Variants in NOP58 observed in about 807,000 individuals in gnomAD.
NOP58 encodes the protein nucleolar protein 58.
A neutral mutation model predicts 71.2 loss-of-function variants in NOP58; 44 were observed. The observed-to-expected ratio is 0.62, with a 90% CI of 0.49 to 0.79. The LOEUF (loss-of-function observed/expected upper bound fraction) is 0.79. Ranked by LOEUF, NOP58 falls within the 30% of genes least tolerant of loss-of-function variation. The pLI is 0.00. For missense variants in NOP58, 538 were observed against 620.2 expected, an observed-to-expected ratio of 0.87 and a Z score of 1.41; for synonymous variants, 228 against 200.3, an observed-to-expected ratio of 1.14 and a Z score of -1.17.
chr2:202,273,774 C>G (rs1688545557), intron 1 of NOP58, among the ~76,000 whole-genome samples: 2 of 152,098 alleles, frequency 1.3e-5, no homozygotes, highest in African/African-American at 4.8e-5. Flanking sequence ...GAAACCCAGT[C>G]TCTACTAAAA....
intron 6 of NOP58, among the ~76,000 whole-genome samples, 187 bp from the exon 7 acceptor site, chr2:202,290,136 A>G (rs1373593516): frequency 6.6e-6 from 1 of 151,888 alleles, no homozygotes; most frequent in Non-Finnish European, 1.5e-5. Context: ...TTGTATTTTT[A>G]ATAGAGATGG....
At chr2:202,285,871 G>A (rs1688776864) in intron 5 of NOP58, among the ~76,000 whole-genome samples, 1 of 151,968 alleles carries the variant, frequency 6.6e-6, no homozygotes, top group Non-Finnish European at 1.5e-5. Flanking sequence ...TATTACCACA[G>A]TTCAAAAGAC....
chr2:202,279,816 G>A lies in NOP58; in HGVS notation c.175+1814G>A, dbSNP rs572818844. The stretch of plus-strand genomic sequence containing the variant: ...CTGGAAAATAACATAAAATTAAGTA[G>A]TGTACAGTAAATGGACAAAATGCCA... On this transcript the variant is annotated intron_variant, in intron 3 of 14. Coordinates refer to ENST00000264279, the MANE Select transcript of NOP58 (RefSeq NM_015934.5). Among the ~76,000 whole-genome samples, 4 of 152,242 alleles carry A rather than the reference G, an allele frequency of 2.6e-5. No individual in the cohort carries two copies. The East Asian group carries it at 5.8e-4, about 22-fold the overall frequency.
chr2:202,288,844 C>T (rs1688835783), intron 6 of NOP58, among the ~76,000 whole-genome samples: 1 of 151,256 alleles, frequency 6.6e-6, no homozygotes, highest in Non-Finnish European at 1.5e-5. Context: ...TTCGGCTGGG[C>T]GCAGTGGCTC....
At chr2:202,299,975 A>G (rs567966399) in intron 12 of NOP58, 121 of 328,412 alleles carry the variant, frequency 3.7e-4, no homozygotes, top group African/African-American at 2.5e-3. Flanking sequence ...TTCCTGTACC[A>G]TAGTAACTAC....
chr2:202,271,781 A>G (rs1202649160), intron 1 of NOP58, among the ~76,000 whole-genome samples: 2 of 152,054 alleles, frequency 1.3e-5, no homozygotes, highest in Non-Finnish European at 2.9e-5. Flanking sequence ...TGTCTCTACA[A>G]AAAGATTTTT....
chr2:202,282,937 G>A lies in NOP58; in HGVS notation c.297+465G>A, dbSNP rs565473329. On this transcript the variant is annotated intron_variant, in intron 4 of 14. Coordinates refer to ENST00000264279, the MANE Select transcript of NOP58 (RefSeq NM_015934.5). ...GAAAGCAGAACAATTCGGGCGGGGC[G>A]CGGTGGCTCACACCTATAATAATCC... 4.6e-5 allele frequency among the ~76,000 whole-genome samples: 7 copies of A among 152,240 alleles called. No homozygotes were observed. The South Asian group carries it at 6.2e-4, about 14-fold the overall frequency.
chr2:202,302,842 C>A, intron 13 of NOP58, 79 bp from the exon 14 acceptor site: 9 of 1,495,298 alleles, frequency 6.0e-6, no homozygotes, highest in South Asian at 2.8e-5. Context: ...CAGAAAAAAA[C>A]TAGGACTCAA....
intron 9 of NOP58, among the ~76,000 whole-genome samples, chr2:202,295,133 G>C (rs1056358180): frequency 2.6e-5 from 4 of 152,108 alleles, no homozygotes; most frequent in African/African-American, 9.7e-5. Flanking sequence ...TAAAACTTAG[G>C]AACTATTTAT....
At chr2:202,303,165 T>C (rs918240905) in intron 14 of NOP58, 108 bp downstream of exon 14, 2 of 1,379,458 alleles carry the variant, frequency 1.4e-6, no homozygotes, top group Non-Finnish European at 2.0e-6. Context: ...ATGGTTTTCA[T>C]TGATGGAGAG....
rs776719942 is a variant in NOP58, at chr2:202,292,759, C to T, written c.781-18C>T. On this transcript the variant is annotated intron_variant, in intron 8 of 14. Coordinates refer to ENST00000264279, the MANE Select transcript of NOP58 (RefSeq NM_015934.5). ...TACTCATATGATATTTGTGACTTAA[C>T]TTTATTCCTTATACTAGGTGATTGA... is the stretch of plus-strand genomic sequence containing the variant. The T allele has an allele frequency of 9.4e-6, 15 of 1,598,520 alleles. No individual in the cohort carries two copies. In the East Asian group the frequency reaches 1.6e-4, roughly 17 times the overall value.
At chr2:202,269,800 C>T (rs1688486810) in intron 1 of NOP58, among the ~76,000 whole-genome samples, 1 of 152,222 alleles carries the variant, frequency 6.6e-6, no homozygotes, top group Non-Finnish European at 1.5e-5. Context: ...ACGTGGCACA[C>T]AGCATAAGAT....
At chr2:202,290,008 G>C (rs1688859100) in intron 6 of NOP58, among the ~76,000 whole-genome samples, 1 of 152,008 alleles carries the variant, frequency 6.6e-6, no homozygotes, top group Non-Finnish European at 1.5e-5. Context: ...AGGCTGGAAT[G>C]CAGTAGCACG....
At chr2:202,282,493 G>A in intron 4 of NOP58, 21 bp downstream of exon 4, 1 of 1,600,966 alleles carries the variant, frequency 6.2e-7, no homozygotes, top group Non-Finnish European at 8.5e-7. Flanking sequence ...GATATTTTTG[G>A]TCATGCCTGC....
chr2:202,272,346 G>A (rs576253925), intron 1 of NOP58, among the ~76,000 whole-genome samples: 139 of 151,818 alleles, frequency 9.2e-4, no homozygotes, highest in Non-Finnish European at 1.5e-3. Flanking sequence ...GTTAGAGGCG[G>A]GGTTTCACCG....
chr2:202,271,574 T>TA (rs951242249), intron 1 of NOP58, among the ~76,000 whole-genome samples: 124 of 137,838 alleles, frequency 9.0e-4, no homozygotes, highest in Admixed American at 3.5e-3. Flanking sequence ...GTCTCAAAAA[T>TA]AAAAAAAAAA....
At chr2:202,302,237 A>G (rs1689107708) in intron 13 of NOP58, among the ~76,000 whole-genome samples, 1 of 151,302 alleles carries the variant, frequency 6.6e-6, no homozygotes, top group South Asian at 2.1e-4. Flanking sequence ...ACAGGCATGC[A>G]CCACCATGCC....
At chr2:202,301,148 C>T (rs968934920) in intron 13 of NOP58, among the ~76,000 whole-genome samples, 8 of 152,042 alleles carry the variant, frequency 5.3e-5, no homozygotes, top group African/African-American at 1.9e-4. Context: ...ATAAGCTTTT[C>T]CAATTTATTT....
At chr2:202,283,250 G>A (rs1559262621) in intron 4 of NOP58, among the ~76,000 whole-genome samples, 1 of 151,904 alleles carries the variant, frequency 6.6e-6, no homozygotes, top group East Asian at 1.9e-4. Context: ...ATTTATTTGA[G>A]ACAGAGTCTC....
Sources: gnomAD v4.1 joint callset for allele counts (sites outside exome capture counted in the v4.1 genomes callset) on GRCh38, gnomAD v4.1.1 for gene constraint, MANE v1.5 for transcripts, NCBI Gene and HGNC (gene_info 2026-07-23, HGNC 2026-07-21) for gene names.